PITPNM2: variants seen among roughly 807,000 people sequenced by gnomAD.
The protein encoded by PITPNM2 is phosphatidylinositol transfer protein membrane associated 2.
Under a neutral mutation model 132.2 loss-of-function variants are expected in PITPNM2, and 35 were observed. The observed-to-expected ratio is 0.26, with a 90% CI of 0.20 to 0.35. The LOEUF (loss-of-function observed/expected upper bound fraction) is 0.35, where lower values mean the gene tolerates loss of function less well. Ranked by LOEUF, PITPNM2 falls within the 10% of genes least tolerant of loss-of-function variation. The pLI is 1.00. For synonymous variants in PITPNM2, 738 were observed against 799.2 expected, an observed-to-expected ratio of 0.92 and a Z score of 1.29; for missense variants, 1,332 against 1,912.0, an observed-to-expected ratio of 0.70 and a Z score of 5.66.
At chr12:123,024,600 C>T (rs1174674063) in intron 3 of PITPNM2, among the ~76,000 whole-genome samples, 5 of 152,072 alleles carry the variant, frequency 3.3e-5, no homozygotes, top group Non-Finnish European at 7.4e-5. Flanking sequence ...TAAAAAGTAA[C>T]GGAGCACTGG....
At chr12:123,124,246 G>A (rs1039606106) in intron 1 of PITPNM2, among the ~76,000 whole-genome samples, 1 of 151,944 alleles carries the variant, frequency 6.6e-6, no homozygotes. Context: ...GACAGAGTGA[G>A]ACTCCGTCTC....
At chr12:122,988,482 T>C (rs2038035756) in intron 19 of PITPNM2, 132 bp from the exon 20 acceptor site, 7 of 827,924 alleles carry the variant, frequency 8.5e-6, no homozygotes, top group Admixed American at 2.1e-5. Flanking sequence ...AACTCACTAC[T>C]GTCTGCCCAG....
At chr12:123,087,519 G>A (rs938143292) in intron 2 of PITPNM2, 1 of 152,022 alleles carries the variant, frequency 6.6e-6, no homozygotes, top group African/African-American at 2.4e-5. Context: ...TTATAGGCAT[G>A]AGCCACCGTA....
intron 2 of PITPNM2, among the ~76,000 whole-genome samples, chr12:123,047,680 G>A (rs1223730283): frequency 2.0e-5 from 3 of 152,178 alleles, no homozygotes; most frequent in African/African-American, 7.2e-5. Flanking sequence ...TAAGGATACA[G>A]GGGACCAAGA....
At position 123,108,963 on chromosome 12, in the gene PITPNM2, C is replaced by T. The variant is rs1049551072; in HGVS notation, c.-96+1422G>A. ...TGCCATGTGCTTCCAGGTCTAGACTCGGGGTCCAATCCCAATCCCACCACT... is the reference window on the plus strand; with the variant it reads ...TGCCATGTGCTTCCAGGTCTAGACTTGGGGTCCAATCCCAATCCCACCACT... On this transcript the variant is annotated intron_variant, in intron 2 of 25. Coordinates refer to ENST00000320201, the MANE Select transcript of PITPNM2 (RefSeq NM_020845.3). The surrounding 1 kb of genome is among the most constrained non-coding windows in gnomAD (Gnocchi z 4.4). Among the ~76,000 whole-genome samples, 3 of 152,200 alleles carry T rather than the reference C, an allele frequency of 2.0e-5. No individual in the cohort carries two copies. Among genetic ancestry groups the T allele is most frequent in the African/African-American group, 4.8e-5 (2 of 41,450 alleles).
intron 1 of PITPNM2, among the ~76,000 whole-genome samples, chr12:123,140,536 C>G (rs1473043520): frequency 1.3e-5 from 2 of 152,144 alleles, no homozygotes; most frequent in Non-Finnish European, 2.9e-5. Flanking sequence ...CCAGGACAAG[C>G]CGCTAGGAAC....
In PITPNM2 at chr12:123,005,826, A is replaced by T. The variant is rs1298602118; in HGVS notation, c.644-278T>A. The T allele has an allele frequency of 1.4e-5, 7 of 483,808 alleles. No homozygotes were observed. Among genetic ancestry groups the T allele is most frequent in the Non-Finnish European group, 2.6e-5 (7 of 272,040 alleles). 30.0% of individuals were successfully genotyped at this position (483,808 alleles called of 1,614,324 possible). ...TCAGAAGCCACAGTTGGAAGGGCGC[A>T]GTGGCTCATGCCTGTAATCCCAACA... is the stretch of plus-strand genomic sequence containing the variant. On this transcript the variant is annotated intron_variant, in intron 6 of 25. Coordinates refer to ENST00000320201, the MANE Select transcript of PITPNM2 (RefSeq NM_020845.3). This position sits in a 1 kb window ranked among gnomAD's most constrained non-coding sequence, Gnocchi z 6.2.
chr12:123,120,103 C>T (rs1278589912), intron 1 of PITPNM2, among the ~76,000 whole-genome samples: 1 of 152,164 alleles, frequency 6.6e-6, no homozygotes, highest in African/African-American at 2.4e-5. Flanking sequence ...GGCACACCTG[C>T]AGCAAAGGCC....
In PITPNM2 at chr12:123,064,383, A is replaced by G. The variant is rs994328833; in HGVS notation, c.-95-29698T>C. ...CAGCACCCCAAGGCCTGCAGCCCAC[A>G]GGAGGCTCTCAGCCACCACGGGGCA... is the stretch of plus-strand genomic sequence containing the variant. On this transcript the variant is annotated intron_variant, in intron 2 of 25. Coordinates refer to ENST00000320201, the MANE Select transcript of PITPNM2 (RefSeq NM_020845.3). This position sits in a 1 kb window ranked among gnomAD's most constrained non-coding sequence, Gnocchi z 4.0. 1.3e-5 allele frequency among the ~76,000 whole-genome samples: 2 copies of G among 152,192 alleles called. No homozygotes were observed. The highest frequency in any genetic ancestry group is 4.8e-5 in the African/African-American group (2 of 41,446).
chr12:123,068,194 A>G (rs10848427), intron 2 of PITPNM2, among the ~76,000 whole-genome samples: 10,845 of 151,688 alleles, frequency 0.071, 554 homozygotes, highest in East Asian at 0.27. Context: ...ACGGCCGGGC[A>G]CGGTGGCTCA....
At position 123,004,489 on chromosome 12, in the gene PITPNM2, G is replaced by C. The variant is rs201868076; in HGVS notation, c.953C>G (p.Ala318Gly). 1 of 1,613,396 alleles carries C rather than the reference G, an allele frequency of 6.2e-7. No homozygotes were observed. The highest frequency in any genetic ancestry group is 8.5e-7 in the Non-Finnish European group (1 of 1,179,930). Reference protein sequence around the residue: ...SKSSRSSKRGASPSRHSISEW... With the variant: ...SKSSRSSKRGGSPSRHSISEW... ...TGAGATGCTGTGGCGGGAAGGACTC[G>C]CTGGAAGGCAAAACCCCAGATTGAC... Residue 318 changes from alanine (A) to glycine (G), a missense_variant and splice_region_variant, in exon 8 of 26, where the codon GCG becomes GGG. Ala to Gly is a moderately conservative substitution (Grantham distance 60). Coordinates refer to ENST00000320201, the MANE Select transcript of PITPNM2 (RefSeq NM_020845.3). The surrounding 1 kb of genome is among the most constrained non-coding windows in gnomAD (Gnocchi z 4.9).
intron 1 of PITPNM2, among the ~76,000 whole-genome samples, chr12:123,137,965 T>G (rs767089425): frequency 1.2e-4 from 18 of 151,880 alleles, no homozygotes; most frequent in South Asian, 1.0e-3. Context: ...GTCACTTACC[T>G]TGGAAATGGG....
At position 122,987,870 on chromosome 12, in the gene PITPNM2, G is replaced by A. The variant is rs545525327; in HGVS notation, c.3029C>T (p.Ala1010Val). 1.2e-6 allele frequency: 2 copies of A among 1,613,514 alleles called. No homozygotes were observed. The highest frequency in any genetic ancestry group is 1.7e-6 in the Non-Finnish European group (2 of 1,179,762). Residue 1010 changes from alanine to valine, a missense_variant, in exon 21 of 26, where the codon GCC becomes GTC. Physicochemically the swap from Ala to Val is moderately conservative, Grantham distance 64. Around this residue, in one of 6 missense-constraint regions of PITPNM2, gnomAD observed 251 missense variants for 472.0 expected, o/e 0.53. Transcript: ENST00000320201. ...CTGGGGGCCGTCCTCATTGGCAAGG[G>A]CATCATTGATCCGGTGGTTGGCCGT... ...NVTANHRIND[A>V]LANEDGPQVL... is the part of the protein sequence containing the mutation.
rs2037885900 is a variant in PITPNM2 at position 122,985,202 on chromosome 12, TGCTC to T, written c.*821_*824del. 2 of 152,404 alleles carry T rather than the reference TGCTC, an allele frequency of 1.3e-5. No individual in the cohort carries two copies. The highest frequency in any genetic ancestry group is 1.5e-5 in the Non-Finnish European group (1 of 68,034). 9.4% of individuals were successfully genotyped at this position (152,404 alleles called of 1,614,324 possible). A position where few individuals can be genotyped will look rare whatever the true frequency, so the allele number is the denominator to read the frequency against. On this transcript the variant is annotated 3_prime_UTR_variant, in exon 26 of 26. Coordinates refer to ENST00000320201, the MANE Select transcript of PITPNM2 (RefSeq NM_020845.3). Reference sequence around the variant, plus strand: ...TTAAGAAAAGGAAGCAGCCAAGGATTGCTCGTTTAAAAAAACCTCATAGAAATCA... The same window carrying T: ...TTAAGAAAAGGAAGCAGCCAAGGATTGTTTAAAAAAACCTCATAGAAATCA...
Position 122,995,585 on chromosome 12 carries a change from C to T in PITPNM2, c.1858G>A (p.Gly620Ser), listed in dbSNP as rs771962751. The T allele has an allele frequency of 2.2e-5, 35 of 1,577,236 alleles. No homozygotes were observed. Among genetic ancestry groups the T allele is most frequent in the African/African-American group, 9.2e-5 (5 of 54,598 alleles). The change falls in exon 14 of 26, where the codon GGT becomes AGT. Residue 620 changes from glycine (G) to serine (S), a missense_variant. Gly to Ser is a moderately conservative substitution (Grantham distance 56, BLOSUM62 0). Coordinates refer to ENST00000320201, the MANE Select transcript of PITPNM2 (RefSeq NM_020845.3). The stretch of plus-strand genomic sequence containing the variant: ...CCACCACCACCACTGCTGCCACCAC[C>T]GCCACCGCCGCCACCGCCACCACCG... Reference protein sequence around the residue: ...CCGGGGGGGGGGGSSGGGGSS... With the variant: ...CCGGGGGGGGSGGSSGGGGSS...
intron 2 of PITPNM2, chr12:123,089,381 G>GC (rs1015135648): frequency 6.6e-6 from 1 of 152,170 alleles, no homozygotes; most frequent in Non-Finnish European, 1.5e-5. Context: ...CTGATAGAAA[G>GC]CTCTGGGTCA....
rs1027307718 is a variant in PITPNM2 at position 123,150,632 on chromosome 12, G to A, written c.-200+121C>T. 1.3e-5 allele frequency among the ~76,000 whole-genome samples: 2 copies of A among 151,388 alleles called. No homozygotes were observed. Among genetic ancestry groups the A allele is most frequent in the African/African-American group, 4.8e-5 (2 of 41,338 alleles). On this transcript the variant is annotated intron_variant, in intron 1 of 25. Coordinates refer to ENST00000320201, the MANE Select transcript of PITPNM2 (RefSeq NM_020845.3). This position sits in a 1 kb window ranked among gnomAD's most constrained non-coding sequence, Gnocchi z 6.0. ...CCAGCCCCCGGCGGGCTGGAGGCTCGGCGGGCGGGCGGGCCGGGGCCTCTC... is the reference window on the plus strand; with the variant it reads ...CCAGCCCCCGGCGGGCTGGAGGCTCAGCGGGCGGGCGGGCCGGGGCCTCTC...
rs2037977669 is a variant in PITPNM2 at position 122,987,267 on chromosome 12, T to C, written c.3413+14A>G. ...CCTTGCTACAGCCCCTTTGTGCCCC[T>C]CTGGGCCACTCACCGCACCACGTCC... On this transcript the variant is annotated intron_variant, in intron 23 of 25. Transcript: ENST00000320201. The C allele has an allele frequency of 3.7e-6, 6 of 1,610,922 alleles. No homozygotes were observed. Among genetic ancestry groups the C allele is most frequent in the Non-Finnish European group, 5.1e-6 (6 of 1,179,838 alleles).
chr12:123,079,847 A>G (rs1358335150), intron 2 of PITPNM2, among the ~76,000 whole-genome samples: 1 of 152,174 alleles, frequency 6.6e-6, no homozygotes, highest in African/African-American at 2.4e-5. Context: ...TATATTCACA[A>G]TGTTGTGCAA....
Sources: gnomAD v4.1 joint callset for allele counts (sites outside exome capture counted in the v4.1 genomes callset) on GRCh38, gnomAD v4.1.1 for gene constraint, gnomAD v4.1.1 regional missense constraint, Gnocchi (gnomAD v3.1) non-coding constraint, MANE v1.5 for transcripts, NCBI Gene and HGNC (gene_info 2026-07-23, HGNC 2026-07-21) for gene names.